The following PTPRZ1 variants were observed in gnomAD, a reference collection of about 807,000 sequenced individuals.
PTPRZ1 encodes receptor-type tyrosine-protein phosphatase zeta.
PTPRZ1 carries 82 observed loss-of-function variants against 214.1 expected under a neutral mutation model. The observed-to-expected ratio is 0.38, with a 90% CI of 0.32 to 0.46. The LOEUF (loss-of-function observed/expected upper bound fraction) is 0.46, where lower values mean the gene tolerates loss of function less well. PTPRZ1 is among the 20% of genes least tolerant of loss of function. PTPRZ1 has a pLI of 1.00. For synonymous variants in PTPRZ1, 945 were observed against 987.9 expected (o/e 0.96, Z 0.81); for missense variants, 2,603 against 2,748.7 (o/e 0.95, Z 1.19).
intron 23 of PTPRZ1, among the ~76,000 whole-genome samples, chr7:122,047,147 G>A (rs1455503971): frequency 2.0e-5 from 3 of 152,138 alleles, no homozygotes; most frequent in Admixed American, 2.0e-4. Context: ...GGAGGCCGTT[G>A]GATTTAGACA....
intron 11 of PTPRZ1, 73 bp from the exon 12 acceptor site, chr7:122,010,261 C>T: frequency 7.3e-7 from 1 of 1,375,146 alleles, no homozygotes; most frequent in Non-Finnish European, 9.9e-7. Flanking sequence ...TGATGATTGG[C>T]AGTGTAAGAT....
chr7:122,000,646 CATATATATATATATATATATATATAT>C (rs60953788), intron 10 of PTPRZ1, among the ~76,000 whole-genome samples: 577 of 51,700 alleles, frequency 0.011, 27 homozygotes, highest in African/African-American at 0.04. Context: ...TGATAGATTT[CATATATATATATATATATATATATAT>C]ATATATATAT....
chr7:122,013,701 G>A lies in PTPRZ1; in HGVS notation c.4655G>A (p.Gly1552Glu), dbSNP rs375668701. The A allele has an allele frequency of 1.4e-5, 22 of 1,614,044 alleles. No homozygotes were observed. The highest frequency in any genetic ancestry group is 1.1e-5 in the South Asian group (1 of 91,086). Residue 1552 changes from glycine (G) to glutamate (E), a missense_variant, in exon 12 of 30, where the codon GGG becomes GAG. Gly to Glu is a moderately conservative substitution (Grantham distance 98). Coordinates refer to ENST00000393386, the MANE Select transcript of PTPRZ1 (RefSeq NM_002851.3). ...VLTSDEESGSGQGTSDSLNEN... is the reference protein window; with the variant it reads ...VLTSDEESGSEQGTSDSLNEN... ...ACAAGTGATGAAGAAAGTGGATCAGGGCAAGGTACCTCAGATAGCCTTAAT... is the reference window on the plus strand; with the variant it reads ...ACAAGTGATGAAGAAAGTGGATCAGAGCAAGGTACCTCAGATAGCCTTAAT...
At chr7:121,996,141 T>C (rs998293402) in intron 8 of PTPRZ1, among the ~76,000 whole-genome samples, 1 of 151,890 alleles carries the variant, frequency 6.6e-6, no homozygotes, top group Admixed American at 6.6e-5. Flanking sequence ...ATGAAGGAGG[T>C]AGCATTTGAC....
Position 122,010,316 on chromosome 7 carries a change from C to T in PTPRZ1, c.1288-18C>T. The T allele has an allele frequency of 1.3e-6, 2 of 1,579,702 alleles. No individual in the cohort carries two copies. The highest frequency in any genetic ancestry group is 1.7e-6 in the Non-Finnish European group (2 of 1,167,856). ...CTTATTTCCTTATGACTCATTAAAT[C>T]TTGTTTGCTTTTCAAAGGAGGAGGA... On this transcript the variant is annotated intron_variant, in intron 11 of 29. Transcript: ENST00000393386.
chr7:121,919,177 C>T (rs1475180973), intron 1 of PTPRZ1, among the ~76,000 whole-genome samples: 1 of 151,970 alleles, frequency 6.6e-6, no homozygotes, highest in Non-Finnish European at 1.5e-5. Flanking sequence ...ATCAAGATTT[C>T]TGGATCATCA....
chr7:121,889,141 G>T (rs1794500046), intron 1 of PTPRZ1, among the ~76,000 whole-genome samples: 1 of 149,572 alleles, frequency 6.7e-6, no homozygotes, highest in Admixed American at 6.7e-5. Context: ...TATTTAAAAT[G>T]AGGCCTGAGT....
In PTPRZ1 at chr7:121,905,650, T is replaced by TACACAC. The variant is rs10528167; in HGVS notation, c.59-22484_59-22479dup. Among the ~76,000 whole-genome samples, 569 of 145,362 alleles carry TACACAC rather than the reference T, an allele frequency of 3.9e-3. 7 individuals carry two copies. The highest frequency in any genetic ancestry group is 0.013 in the African/African-American group (492 of 39,246). ...CGGCCGAATTCTGGGTTCTATTCTT[T>TACACAC]ACACACACACACACACACACACACA... On this transcript the variant is annotated intron_variant, in intron 1 of 29. Coordinates refer to ENST00000393386, the MANE Select transcript of PTPRZ1 (RefSeq NM_002851.3).
intron 12 of PTPRZ1, among the ~76,000 whole-genome samples, chr7:122,017,376 C>T (rs1205352533): frequency 6.6e-6 from 1 of 152,000 alleles, no homozygotes; most frequent in Non-Finnish European, 1.5e-5. Flanking sequence ...ATATTAGCTA[C>T]AACTCAGGGC....
At chr7:122,041,043 T>G in intron 21 of PTPRZ1, 64 bp downstream of exon 21, 1 of 1,344,412 alleles carries the variant, frequency 7.4e-7, no homozygotes, top group Non-Finnish European at 9.8e-7. Flanking sequence ...AGGAAATCAA[T>G]GGAACAAAGC....
At chr7:121,940,901 C>A (rs1796222187) in intron 2 of PTPRZ1, among the ~76,000 whole-genome samples, 1 of 152,116 alleles carries the variant, frequency 6.6e-6, no homozygotes, top group South Asian at 2.1e-4. Context: ...CTTCCCCCTG[C>A]CTGCTGCTAT....
chr7:122,035,354 G>A (rs569444315), intron 17 of PTPRZ1, among the ~76,000 whole-genome samples: 12 of 152,142 alleles, frequency 7.9e-5, no homozygotes, highest in Non-Finnish European at 1.3e-4. Context: ...CCTGAACTGC[G>A]TCTATCCTGG....
intron 13 of PTPRZ1, among the ~76,000 whole-genome samples, chr7:122,025,839 A>G (rs1329638268): frequency 6.6e-6 from 1 of 152,218 alleles, no homozygotes; most frequent in Non-Finnish European, 1.5e-5. Flanking sequence ...TTTAAAGCAG[A>G]ATAGATAAAT....
At chr7:121,880,901 T>C (rs1562998282) in intron 1 of PTPRZ1, among the ~76,000 whole-genome samples, 1 of 152,134 alleles carries the variant, frequency 6.6e-6, no homozygotes, top group Non-Finnish European at 1.5e-5. Context: ...TTGAGGAGCA[T>C]GTGGGATATT....
chr7:121,989,180 C>T (rs886702525), intron 8 of PTPRZ1, among the ~76,000 whole-genome samples: 1 of 152,026 alleles, frequency 6.6e-6, no homozygotes, highest in African/African-American at 2.4e-5. Flanking sequence ...TTACTGAAAT[C>T]ATTATAAAGA....
At chr7:122,034,689 T>C (rs2150472703) in intron 17 of PTPRZ1, among the ~76,000 whole-genome samples, 1 of 152,328 alleles carries the variant, frequency 6.6e-6, no homozygotes, top group Non-Finnish European at 1.5e-5. Context: ...TTATATGACT[T>C]GGTCCTATTT....
intron 1 of PTPRZ1, among the ~76,000 whole-genome samples, chr7:121,906,569 G>A (rs993187926): frequency 2.0e-5 from 3 of 152,128 alleles, no homozygotes; most frequent in Non-Finnish European, 4.4e-5. Context: ...ATATAATTAA[G>A]TTGAAGCTTG....
At chr7:121,907,528 A>G (rs540705644) in intron 1 of PTPRZ1, among the ~76,000 whole-genome samples, 4 of 152,020 alleles carry the variant, frequency 2.6e-5, no homozygotes, top group African/African-American at 9.7e-5. Context: ...TTCAGTATCC[A>G]TCTAAATTTT....
At chr7:122,033,929 G>T in intron 15 of PTPRZ1, 166 bp from the exon 16 acceptor site, 2 of 580,680 alleles carry the variant, frequency 3.4e-6, no homozygotes, top group Non-Finnish European at 5.9e-6. Context: ...ATTTTGATTT[G>T]CATGCAACTG....
Sources: allele counts gnomAD v4.1 joint callset (sites outside exome capture counted in the v4.1 genomes callset), GRCh38; gene constraint gnomAD v4.1.1; transcripts MANE v1.5; gene names NCBI Gene and HGNC (gene_info 2026-07-23, HGNC 2026-07-21).